The following RAD51B variants were observed in gnomAD, a reference collection of about 807,000 sequenced individuals.
The protein encoded by RAD51B is RAD51 paralog B.
Under a neutral mutation model 42.2 loss-of-function variants are expected in RAD51B, and 38 were observed. That is an observed-to-expected ratio of 0.90 (90% CI 0.70 to 1.18). RAD51B has a LOEUF of 1.18. RAD51B is among the 50% of genes most tolerant of loss of function. The probability of loss-of-function intolerance (pLI) is 0.00; values close to 1 mark genes in which losing one functional copy is unlikely to be tolerated. For synonymous variants in RAD51B, 154 were observed against 145.2 expected, an observed-to-expected ratio of 1.06 and a Z score of -0.43; for missense variants, 373 against 400.7, an observed-to-expected ratio of 0.93 and a Z score of 0.59.
chr14:67,937,521 T>C (rs555906188), intron 7 of RAD51B, among the ~76,000 whole-genome samples: 1 of 152,326 alleles, frequency 6.6e-6, no homozygotes, highest in Non-Finnish European at 1.5e-5. Flanking sequence ...GTTTCTTTCT[T>C]TTACTCTAGG....
At chr14:68,045,398 A>G (rs1054951784) in intron 7 of RAD51B, among the ~76,000 whole-genome samples, 2 of 152,136 alleles carry the variant, frequency 1.3e-5, no homozygotes, top group African/African-American at 2.4e-5. Flanking sequence ...CTTTTACACA[A>G]TAAGGGCTGA....
At chr14:68,610,030 A>G (rs1445509925) in intron 10 of RAD51B, among the ~76,000 whole-genome samples, 2 of 151,836 alleles carry the variant, frequency 1.3e-5, no homozygotes, top group Non-Finnish European at 2.9e-5. Context: ...CAGTGCTTCC[A>G]TGAGCCCCCG....
At chr14:68,626,188 A>G (rs1048104540) in intron 10 of RAD51B, among the ~76,000 whole-genome samples, 2 of 152,236 alleles carry the variant, frequency 1.3e-5, no homozygotes, top group African/African-American at 4.8e-5. Context: ...TACATGGCAC[A>G]GTTAGTGAGC....
chr14:68,259,446 T>TATA (rs1285654517), intron 7 of RAD51B, among the ~76,000 whole-genome samples: 2 of 151,772 alleles, frequency 1.3e-5, no homozygotes, highest in Non-Finnish European at 2.9e-5. Flanking sequence ...AAACTTAAAG[T>TATA]ATAATAATAA....
Position 68,076,910 on chromosome 14 carries a change from A to C in RAD51B, c.756+189706A>C, listed in dbSNP as rs1041550073. Among the ~76,000 whole-genome samples, 4 of 152,198 alleles carry C rather than the reference A, an allele frequency of 2.6e-5. No homozygotes were observed. In the East Asian group the frequency reaches 7.7e-4, roughly 29 times the overall value. ...GGAGGGACCAGTATGGTTCTGAGAA[A>C]CTCAGCTGAGCCTTTCTTTTAATGC... On this transcript the variant is annotated intron_variant, in intron 7 of 10. Transcript: ENST00000471583.
intron 7 of RAD51B, among the ~76,000 whole-genome samples, chr14:68,246,449 C>T (rs922535123): frequency 6.6e-6 from 1 of 152,136 alleles, no homozygotes; most frequent in Non-Finnish European, 1.5e-5. Flanking sequence ...TGAGAAGAGG[C>T]ACTGGCATCA....
chr14:68,655,918 A>T (rs974928147), intron 11 of RAD51B, among the ~76,000 whole-genome samples: 7 of 152,212 alleles, frequency 4.6e-5, no homozygotes, highest in African/African-American at 1.7e-4. Context: ...TGAGACAAGT[A>T]ACTGCCTCAC....
At chr14:68,497,163 G>C in intron 10 of RAD51B, 2 of 1,399,482 alleles carry the variant, frequency 1.4e-6, no homozygotes, top group Non-Finnish European at 1.9e-6. Context: ...GTGCAAACCT[G>C]TTCATCTTGC....
At chr14:67,840,902 A>G (rs2041405434) in intron 4 of RAD51B, among the ~76,000 whole-genome samples, 1 of 151,958 alleles carries the variant, frequency 6.6e-6, no homozygotes, top group African/African-American at 2.4e-5. Flanking sequence ...CCCAGGTTCA[A>G]GTGATTCTCG....
chr14:68,661,159 TC>T (rs1410780303), intron 11 of RAD51B, among the ~76,000 whole-genome samples: 1 of 152,216 alleles, frequency 6.6e-6, no homozygotes, highest in African/African-American at 2.4e-5. Flanking sequence ...CTTGAGGGTT[TC>T]TGAGTATCCG....
intron 7 of RAD51B, among the ~76,000 whole-genome samples, chr14:68,054,607 G>A (rs2076444977): frequency 6.6e-6 from 1 of 152,022 alleles, no homozygotes; most frequent in Non-Finnish European, 1.5e-5. Flanking sequence ...ATATGAAAAA[G>A]CAACTTCAGA....
intron 4 of RAD51B, among the ~76,000 whole-genome samples, chr14:67,864,042 G>GAA (rs775157881): frequency 2.0e-5 from 3 of 150,568 alleles, no homozygotes; most frequent in African/African-American, 4.9e-5. Context: ...TGGCAGAACA[G>GAA]GAGAGAGAGA....
At chr14:68,040,267 A>T (rs2076198061) in intron 7 of RAD51B, among the ~76,000 whole-genome samples, 2 of 152,220 alleles carry the variant, frequency 1.3e-5, no homozygotes, top group Non-Finnish European at 2.9e-5. Context: ...GACTTCAAGG[A>T]GCTTGCTAAC....
At chr14:68,661,719 C>T (rs916311116) in intron 11 of RAD51B, among the ~76,000 whole-genome samples, 4 of 152,200 alleles carry the variant, frequency 2.6e-5, no homozygotes, top group African/African-American at 4.8e-5. Flanking sequence ...TGAGACAACA[C>T]GCCCTCCTTT....
At chr14:67,918,108 C>A (rs556458498) in intron 7 of RAD51B, among the ~76,000 whole-genome samples, 2 of 151,314 alleles carry the variant, frequency 1.3e-5, no homozygotes, top group African/African-American at 4.9e-5. Context: ...AATATAAAAG[C>A]CAAAGAGATG....
intron 7 of RAD51B, among the ~76,000 whole-genome samples, chr14:68,120,826 C>G (rs1429410112): frequency 1.3e-5 from 2 of 152,174 alleles, no homozygotes; most frequent in South Asian, 2.1e-4. Context: ...GGCAACTGCT[C>G]TCAGGAAAGA....
At chr14:68,334,973 A>T (rs2082419950) in intron 8 of RAD51B, among the ~76,000 whole-genome samples, 1 of 146,822 alleles carries the variant, frequency 6.8e-6, no homozygotes, top group South Asian at 2.1e-4. Flanking sequence ...ATATATATAT[A>T]AAAAAACAAA....
At chr14:68,172,427 A>C (rs1884572822) in intron 7 of RAD51B, among the ~76,000 whole-genome samples, 1 of 152,206 alleles carries the variant, frequency 6.6e-6, no homozygotes, top group Admixed American at 6.5e-5. Context: ...TCTAATTTGG[A>C]GAATAAGAAG....
intron 10 of RAD51B, among the ~76,000 whole-genome samples, chr14:68,473,042 C>G (rs947667189): frequency 1.3e-5 from 2 of 152,088 alleles, no homozygotes; most frequent in African/African-American, 4.8e-5. Context: ...ACAAAAATGT[C>G]CCCCCAAATA....
Sources: allele counts gnomAD v4.1 joint callset (sites outside exome capture counted in the v4.1 genomes callset), GRCh38; gene constraint gnomAD v4.1.1; transcripts MANE v1.5; gene names NCBI Gene and HGNC (gene_info 2026-07-23, HGNC 2026-07-21).